Variants in RIT2 observed in about 807,000 individuals in gnomAD.
The protein encoded by RIT2 is GTP-binding protein Rit2.
RIT2 carries 24 observed loss-of-function variants against 23.7 expected under a neutral mutation model. The observed-to-expected ratio is 1.01, with a 90% CI of 0.73 to 1.43. RIT2 has a LOEUF of 1.43. Among genes scored for constraint, RIT2 ranks in the 40% most tolerant of loss-of-function variants. RIT2 has a pLI of 0.00. For synonymous variants in RIT2, 107 were observed against 91.1 expected, an observed-to-expected ratio of 1.17 and a Z score of -0.99; for missense variants, 236 against 266.9, an observed-to-expected ratio of 0.88 and a Z score of 0.81.
intron 2 of RIT2, among the ~76,000 whole-genome samples, chr18:43,013,207 T>C (rs1911391384): frequency 6.6e-6 from 1 of 151,872 alleles, no homozygotes; most frequent in Admixed American, 6.6e-5. Context: ...AGATTCTTAT[T>C]TGAACGCCAA....
intron 4 of RIT2, among the ~76,000 whole-genome samples, chr18:42,862,911 C>T (rs898257101): frequency 2.6e-5 from 4 of 152,162 alleles, no homozygotes; most frequent in African/African-American, 9.6e-5. Context: ...TATATTTTCA[C>T]TGTTGCCTAT....
chr18:42,978,299 C>T (rs574513725), intron 2 of RIT2, among the ~76,000 whole-genome samples: 1 of 142,182 alleles, frequency 7.0e-6, no homozygotes, highest in Non-Finnish European at 1.5e-5. Flanking sequence ...ACCTTTTATC[C>T]ACGGCTTTTT....
intron 3 of RIT2, among the ~76,000 whole-genome samples, chr18:42,930,025 C>T (rs1015829105): frequency 2.6e-5 from 4 of 152,024 alleles, no homozygotes. Context: ...CTGGGATAGG[C>T]CCTTAAGAAG....
At position 42,997,734 on chromosome 18, in the gene RIT2, T is replaced by A. The variant is rs139152509; in HGVS notation, c.161-23587A>T. 2.6e-3 allele frequency among the ~76,000 whole-genome samples: 402 copies of A among 152,206 alleles called. 2 individuals carry two copies. Among genetic ancestry groups the A allele is most frequent in the African/African-American group, 9.2e-3 (381 of 41,566 alleles). On this transcript the variant is annotated intron_variant, in intron 2 of 4. Transcript: ENST00000326695. ...TACTACAATGTAAAGGAAGAGAACT[T>A]AAAATAATAAAAGGTGATAAATAGT... is the stretch of plus-strand genomic sequence containing the variant.
At position 42,792,123 on chromosome 18, in the gene RIT2, C is replaced by T. The variant is rs148632284; in HGVS notation, c.427-48403G>A. ...CAATGGATAGGGAAAAAATAAATCT[C>T]GTTGATATATATTTAACCTTGGTTC... On this transcript the variant is annotated intron_variant, in intron 4 of 4. Transcript: ENST00000326695. 6.5e-3 allele frequency among the ~76,000 whole-genome samples: 984 copies of T among 152,226 alleles called. 2 individuals carry two copies. Among genetic ancestry groups the T allele is most frequent in the Middle Eastern group, 0.034 (10 of 294 alleles).
rs906236611 is a variant in RIT2, at chr18:42,955,533, G to A, written c.234+18541C>T. On this transcript the variant is annotated intron_variant, in intron 3 of 4. Transcript: ENST00000326695. The stretch of plus-strand genomic sequence containing the variant: ...GTCAAAAGGTCCTTCCCCTTCTGAC[G>A]TTTTATGATTTCATGGCTTTCCATG... 1.1e-4 allele frequency among the ~76,000 whole-genome samples: 16 copies of A among 152,106 alleles called. No individual in the cohort carries two copies. In the East Asian group the frequency reaches 1.7e-3, roughly 17 times the overall value.
At chr18:42,747,946 A>G (rs1912956913) in intron 4 of RIT2, among the ~76,000 whole-genome samples, 1 of 152,160 alleles carries the variant, frequency 6.6e-6, no homozygotes, top group African/African-American at 2.4e-5. Flanking sequence ...ATAGAAGATA[A>G]CACTGGAAAA....
chr18:42,867,424 T>C (rs1206472467), intron 4 of RIT2, among the ~76,000 whole-genome samples: 1 of 152,068 alleles, frequency 6.6e-6, no homozygotes, highest in African/African-American at 2.4e-5. Flanking sequence ...TAGAATCCAG[T>C]CGCAATATAC....
chr18:42,779,833 C>T (rs1237431997), intron 4 of RIT2, among the ~76,000 whole-genome samples: 1 of 152,124 alleles, frequency 6.6e-6, no homozygotes, highest in African/African-American at 2.4e-5. Flanking sequence ...AAGAGCAACT[C>T]TGACTTTGCC....
At chr18:42,880,326 A>T (rs188222699) in intron 4 of RIT2, among the ~76,000 whole-genome samples, 1 of 152,242 alleles carries the variant, frequency 6.6e-6, no homozygotes, top group East Asian at 1.9e-4. Context: ...CTAGCTAAAG[A>T]TCTGCTTTCC....
At chr18:42,913,646 T>C (rs1001168474) in intron 4 of RIT2, among the ~76,000 whole-genome samples, 2 of 152,070 alleles carry the variant, frequency 1.3e-5, no homozygotes, top group African/African-American at 2.4e-5. Flanking sequence ...ATTTCACTTA[T>C]ACATGGAATC....
rs377149658 is a variant in RIT2 at position 42,794,082 on chromosome 18, C to A, written c.427-50362G>T. 5.3e-5 allele frequency among the ~76,000 whole-genome samples: 8 copies of A among 152,086 alleles called. No homozygotes were observed. In the East Asian group the frequency reaches 1.4e-3, roughly 26 times the overall value. The stretch of plus-strand genomic sequence containing the variant: ...TTTAACTAGAGTATAAGAAAGAATG[C>A]GGTTATCTCATAAGCATACATTCTA... On this transcript the variant is annotated intron_variant, in intron 4 of 4. Coordinates refer to ENST00000326695, the MANE Select transcript of RIT2 (RefSeq NM_002930.4).
Position 42,930,155 on chromosome 18 carries a change from A to C in RIT2, c.235-6392T>G, listed in dbSNP as rs80300562. Among the ~76,000 whole-genome samples the C allele has an allele frequency of 1.1e-3, 170 of 152,254 alleles. 5 individuals carry two copies. The East Asian group carries it at 0.029, about 26-fold the overall frequency. On this transcript the variant is annotated intron_variant, in intron 3 of 4. Coordinates refer to ENST00000326695, the MANE Select transcript of RIT2 (RefSeq NM_002930.4). The stretch of plus-strand genomic sequence containing the variant: ...ACAACCAGGTTTTGGGTTTGATGCA[A>C]TAGGAAACCAAGAACTCAGGAGATT...
intron 1 of RIT2, among the ~76,000 whole-genome samples, chr18:43,105,837 C>T (rs1035490734): frequency 4.6e-5 from 7 of 152,130 alleles, no homozygotes; most frequent in Admixed American, 2.6e-4. Context: ...TGAGAAAAGA[C>T]AAATATGGAT....
At chr18:42,868,758 C>T (rs972812951) in intron 4 of RIT2, among the ~76,000 whole-genome samples, 21 of 152,132 alleles carry the variant, frequency 1.4e-4, no homozygotes, top group African/African-American at 4.8e-4. Context: ...CACAAGAATG[C>T]CACTCTTTAA....
chr18:42,873,917 AGT>A (rs1238628903), intron 4 of RIT2, among the ~76,000 whole-genome samples: 1 of 152,168 alleles, frequency 6.6e-6, no homozygotes, highest in East Asian at 1.9e-4. Context: ...GAGAACAGTT[AGT>A]GAACTGTGGC....
intron 4 of RIT2, among the ~76,000 whole-genome samples, chr18:42,808,577 G>T (rs56085814): frequency 4.6e-4 from 68 of 147,692 alleles, no homozygotes; most frequent in South Asian, 1.1e-3. Context: ...AAAAGAATTC[G>T]TTTTTTTTTT....
intron 2 of RIT2, among the ~76,000 whole-genome samples, chr18:43,024,017 G>A (rs906575271): frequency 6.6e-6 from 1 of 152,012 alleles, no homozygotes; most frequent in Non-Finnish European, 1.5e-5. Context: ...AGGATAGTAA[G>A]GACATCAAAT....
At chr18:42,752,961 C>A (rs1189952141) in intron 4 of RIT2, among the ~76,000 whole-genome samples, 1 of 151,998 alleles carries the variant, frequency 6.6e-6, no homozygotes, top group East Asian at 1.9e-4. Context: ...TTTCAATAAC[C>A]CAGGGGTGCC....
Sources: gnomAD v4.1 joint callset for allele counts (sites outside exome capture counted in the v4.1 genomes callset) on GRCh38, gnomAD v4.1.1 for gene constraint, MANE v1.5 for transcripts, NCBI Gene and HGNC (gene_info 2026-07-23, HGNC 2026-07-21) for gene names.